MAML2: variants seen among roughly 807,000 people sequenced by gnomAD.
MAML2 encodes mastermind like transcriptional coactivator 2, also known as mastermind-like protein 2.
A neutral mutation model predicts 96.1 loss-of-function variants in MAML2; 22 were observed. That is an observed-to-expected ratio of 0.23 (90% CI 0.16 to 0.33). The LOEUF (loss-of-function observed/expected upper bound fraction) is 0.33. Among genes scored for constraint, MAML2 ranks in the 10% least tolerant of loss-of-function variants. The probability of loss-of-function intolerance (pLI) is 1.00; values close to 1 mark genes in which losing one functional copy is unlikely to be tolerated. For missense variants in MAML2, 1,367 were observed against 1,392.4 expected, an observed-to-expected ratio of 0.98 and a Z score of 0.29; for synonymous variants, 561 against 521.3, an observed-to-expected ratio of 1.08 and a Z score of -1.04.
At chr11:96,158,768 C>T (rs1041716930) in intron 1 of MAML2, among the ~76,000 whole-genome samples, 1 of 152,114 alleles carries the variant, frequency 6.6e-6, no homozygotes. Flanking sequence ...TACCCAAATG[C>T]CTGGGTAAAG....
chr11:96,153,791 A>G (rs1349109878), intron 1 of MAML2, among the ~76,000 whole-genome samples: 1 of 152,056 alleles, frequency 6.6e-6, no homozygotes, highest in South Asian at 2.1e-4. Context: ...CACACCTGCA[A>G]TCCTAGCTAA....
chr11:96,129,195 C>G (rs548530986), intron 1 of MAML2, among the ~76,000 whole-genome samples: 2 of 152,118 alleles, frequency 1.3e-5, no homozygotes, highest in East Asian at 3.9e-4. Context: ...AAAATGGCAC[C>G]CCACCTTGAA....
At chr11:96,009,960 T>C (rs1047472756) in intron 2 of MAML2, among the ~76,000 whole-genome samples, 2 of 152,126 alleles carry the variant, frequency 1.3e-5, no homozygotes, top group Non-Finnish European at 2.9e-5. Context: ...TTATAAGGCG[T>C]GGGTTATGAA....
In MAML2 at chr11:96,079,061, C is replaced by T. The variant is rs148777351; in HGVS notation, c.2139+12831G>A. Among the ~76,000 whole-genome samples, 380 of 152,240 alleles carry T rather than the reference C, an allele frequency of 2.5e-3. 3 individuals are homozygous for T. The highest frequency in any genetic ancestry group is 8.5e-3 in the African/African-American group (353 of 41,538). On this transcript the variant is annotated intron_variant, in intron 2 of 4. Transcript: ENST00000524717. ...AAATGTCAGCAAATGAACTGATTGG[C>T]ATAAAAACCAAAATTCACCAGAGAG...
chr11:96,212,956 T>C (rs1317366550), intron 1 of MAML2, among the ~76,000 whole-genome samples: 1 of 152,206 alleles, frequency 6.6e-6, no homozygotes. Context: ...AGGGCCTCGG[T>C]TTCCTCATCT....
intron 1 of MAML2, among the ~76,000 whole-genome samples, chr11:96,167,143 T>C (rs1861206716): frequency 6.6e-6 from 1 of 152,214 alleles, no homozygotes; most frequent in African/African-American, 2.4e-5. Flanking sequence ...CTTCCCTTTC[T>C]TGGAGTCCTT....
At chr11:96,281,540 G>T (rs950929761) in intron 1 of MAML2, among the ~76,000 whole-genome samples, 16 of 151,966 alleles carry the variant, frequency 1.1e-4, no homozygotes, top group African/African-American at 3.6e-4. Context: ...AGGAATAATA[G>T]TTTTTTTCCC....
chr11:96,183,494 C>A (rs1459132131), intron 1 of MAML2, among the ~76,000 whole-genome samples: 2 of 148,848 alleles, frequency 1.3e-5, no homozygotes, highest in Non-Finnish European at 3.0e-5. Context: ...ACCTCCTGGG[C>A]ACAAGTAATC....
At chr11:96,109,167 C>T (rs1465583228) in intron 1 of MAML2, among the ~76,000 whole-genome samples, 3 of 152,114 alleles carry the variant, frequency 2.0e-5, no homozygotes, top group Non-Finnish European at 4.4e-5. Flanking sequence ...TTCCAGGGAA[C>T]CACTATAGTG....
intron 2 of MAML2, among the ~76,000 whole-genome samples, chr11:96,051,778 G>C (rs1858994083): frequency 6.6e-6 from 1 of 152,202 alleles, no homozygotes; most frequent in Admixed American, 6.5e-5. Context: ...GATAGGCAAA[G>C]AGCAGAAAAA....
intron 1 of MAML2, among the ~76,000 whole-genome samples, chr11:96,154,392 T>C (rs1254620653): frequency 6.6e-6 from 1 of 152,172 alleles, no homozygotes; most frequent in Non-Finnish European, 1.5e-5. Flanking sequence ...TAATAGCTGC[T>C]CCTACCAACC....
At chr11:96,195,539 TG>T in intron 1 of MAML2, among the ~76,000 whole-genome samples, 1 of 152,210 alleles carries the variant, frequency 6.6e-6, no homozygotes, top group East Asian at 1.9e-4. Flanking sequence ...CTGTGCCTTC[TG>T]GGTGTCTGTT....
At chr11:96,294,560 G>A (rs1456475967) in intron 1 of MAML2, among the ~76,000 whole-genome samples, 3 of 152,206 alleles carry the variant, frequency 2.0e-5, no homozygotes, top group South Asian at 4.1e-4. Flanking sequence ...GAAAGAGACA[G>A]CAGAGATCAC....
intron 2 of MAML2, among the ~76,000 whole-genome samples, chr11:96,041,875 C>G (rs927651607): frequency 5.9e-5 from 9 of 151,390 alleles, no homozygotes; most frequent in Non-Finnish European, 1.2e-4. Context: ...AATGGCGCAT[C>G]TCGGCTCATA....
At chr11:96,011,271 T>C (rs548727421) in intron 2 of MAML2, among the ~76,000 whole-genome samples, 1 of 152,342 alleles carries the variant, frequency 6.6e-6, no homozygotes, top group Admixed American at 6.5e-5. Flanking sequence ...CCTGCACTTA[T>C]ATGTTCATTG....
chr11:96,218,247 T>C (rs1386747298), intron 1 of MAML2, among the ~76,000 whole-genome samples: 3 of 152,210 alleles, frequency 2.0e-5, no homozygotes, highest in African/African-American at 4.8e-5. Context: ...GGCTTTGACT[T>C]GGTTTAAAGG....
rs537511989 is a variant in MAML2, at chr11:96,243,774, C to T, written c.513+97609G>A. Among the ~76,000 whole-genome samples the T allele has an allele frequency of 1.9e-4, 29 of 152,160 alleles. No individual in the cohort carries two copies. In the South Asian group the frequency reaches 6.0e-3, roughly 32 times the overall value. ...GTTCATGCCATTCTCCTGCCTCAGC[C>T]TTCCGAGTAGCTGGGACTACAGGCG... On this transcript the variant is annotated intron_variant, in intron 1 of 4. Transcript: ENST00000524717.
At chr11:96,020,037 C>G (rs1858412643) in intron 2 of MAML2, among the ~76,000 whole-genome samples, 1 of 152,152 alleles carries the variant, frequency 6.6e-6, no homozygotes, top group Non-Finnish European at 1.5e-5. Flanking sequence ...GATTCACATT[C>G]TCTACATGGT....
At chr11:96,202,881 G>C (rs1861846115) in intron 1 of MAML2, among the ~76,000 whole-genome samples, 1 of 152,050 alleles carries the variant, frequency 6.6e-6, no homozygotes, top group Non-Finnish European at 1.5e-5. Flanking sequence ...ATCCGCCTCG[G>C]CCTCCCAAAG....
Sources: allele counts gnomAD v4.1 joint callset (sites outside exome capture counted in the v4.1 genomes callset), GRCh38; gene constraint gnomAD v4.1.1; transcripts MANE v1.5; gene names NCBI Gene and HGNC (gene_info 2026-07-23, HGNC 2026-07-21).